Variants in TNRC6B observed in about 807,000 individuals in gnomAD.
TNRC6B encodes trinucleotide repeat-containing gene 6B protein.
Under a neutral mutation model 203.6 loss-of-function variants are expected in TNRC6B, and 52 were observed. That is an observed-to-expected ratio of 0.26 (90% CI 0.20 to 0.32). The LOEUF is 0.32. TNRC6B is among the 10% of genes least tolerant of loss of function. The pLI is 1.00. For synonymous variants in TNRC6B, 838 were observed against 845.7 expected (o/e 0.99, Z 0.16); for missense variants, 1,923 against 2,286.2 (o/e 0.84, Z 3.24).
Position 40,325,223 on chromosome 22 carries a change from T to C in TNRC6B, c.*1982T>C, listed in dbSNP as rs2071387365. 1.3e-5 allele frequency: 2 copies of C among 152,680 alleles called. No individual in the cohort carries two copies. Among genetic ancestry groups the C allele is most frequent in the South Asian group, 4.1e-4 (2 of 4,836 alleles). The allele number at this position is 152,680 out of a possible 1,614,324, so 9.5% of individuals were successfully genotyped here. On this transcript the variant is annotated 3_prime_UTR_variant, in exon 23 of 23. Transcript: ENST00000454349. The stretch of plus-strand genomic sequence containing the variant: ...GAGGACAAGGGAGTTTTTCTTTCTT[T>C]AGCGTCTTCAGTGAAGGATACAATA...
chr22:40,104,712 CAG>C (rs1449515680), intron 1 of TNRC6B, among the ~76,000 whole-genome samples: 3 of 152,158 alleles, frequency 2.0e-5, no homozygotes, highest in African/African-American at 7.2e-5. Flanking sequence ...AGGAGGGTGT[CAG>C]AGTATATTGA....
chr22:40,262,211 C>CAG (rs761445234), intron 4 of TNRC6B, 38 bp downstream of exon 4: 2 of 1,338,778 alleles, frequency 1.5e-6, no homozygotes, highest in Non-Finnish European at 1.9e-6. Flanking sequence ...GGCAGCTTGA[C>CAG]AGAGAGAGAG....
intron 1 of TNRC6B, among the ~76,000 whole-genome samples, chr22:40,082,539 G>A (rs2068070644): frequency 6.6e-6 from 1 of 152,210 alleles, no homozygotes; most frequent in Non-Finnish European, 1.5e-5. Context: ...ACGGGTTCAG[G>A]TTTGATTCCT....
At chr22:40,135,045 AT>A (rs2068587498) in intron 3 of TNRC6B, among the ~76,000 whole-genome samples, 1 of 152,210 alleles carries the variant, frequency 6.6e-6, no homozygotes, top group Non-Finnish European at 1.5e-5. Context: ...GGCAGTTGGT[AT>A]TGGCTGTCAG....
intron 1 of TNRC6B, among the ~76,000 whole-genome samples, chr22:40,056,761 A>G (rs142565344): frequency 4.7e-4 from 71 of 150,334 alleles, no homozygotes; most frequent in African/African-American, 1.7e-3. Context: ...TTGCATCACT[A>G]CACTCCAGCC....
rs536632301 is a variant in TNRC6B at position 40,265,045 on chromosome 22, A to G, written c.815A>G (p.Asn272Ser). The change falls in exon 5 of 23, where the codon AAC becomes AGC. Residue 272 changes from asparagine (N) to serine (S), a missense_variant. Asn to Ser is a conservative substitution (Grantham distance 46). Coordinates refer to ENST00000454349, the MANE Select transcript of TNRC6B (RefSeq NM_001162501.2). The stretch of plus-strand genomic sequence containing the variant: ...AAGGCTAAATCTGTTCAATCTTCCA[A>G]CTCTACTACAGAGAACAACAATGGA... ...DPKAKSVQSSNSTTENNNGLG... is the reference protein window; with the variant it reads ...DPKAKSVQSSSSTTENNNGLG... The G allele has an allele frequency of 4.2e-5, 68 of 1,613,816 alleles. No individual in the cohort carries two copies. Among genetic ancestry groups the G allele is most frequent in the Non-Finnish European group, 4.9e-5 (58 of 1,179,888 alleles).
intron 1 of TNRC6B, among the ~76,000 whole-genome samples, chr22:40,051,735 A>G (rs547292299): frequency 2.0e-5 from 3 of 152,246 alleles, no homozygotes; most frequent in Non-Finnish European, 2.9e-5. Context: ...AGCCACAAAT[A>G]TGAGCCACAT....
intron 2 of TNRC6B, chr22:40,246,407 C>G (rs1429949637): frequency 2.2e-5 from 4 of 183,696 alleles, no homozygotes; most frequent in African/African-American, 9.5e-5. Flanking sequence ...TCAGGCTGGT[C>G]TCAAACTCCT....
intron 1 of TNRC6B, among the ~76,000 whole-genome samples, chr22:40,111,705 C>T (rs2146313319): frequency 6.6e-6 from 1 of 152,244 alleles, no homozygotes; most frequent in East Asian, 1.9e-4. Flanking sequence ...GGTGGAGCTG[C>T]ATCAGGCAGT....
chr22:40,133,137 A>C (rs2068567798), intron 3 of TNRC6B, among the ~76,000 whole-genome samples: 1 of 151,618 alleles, frequency 6.6e-6, no homozygotes, highest in African/African-American at 2.4e-5. Context: ...TTTATCTGTC[A>C]CATGTGGCTT....
chr22:40,061,760 G>A (rs1285937016), intron 1 of TNRC6B, among the ~76,000 whole-genome samples: 1 of 151,936 alleles, frequency 6.6e-6, no homozygotes, highest in Non-Finnish European at 1.5e-5. Context: ...AAATAGTATA[G>A]TATCACTTTC....
chr22:40,082,155 G>A (rs1048643434), intron 1 of TNRC6B, among the ~76,000 whole-genome samples: 1 of 151,964 alleles, frequency 6.6e-6, no homozygotes, highest in Non-Finnish European at 1.5e-5. Flanking sequence ...TTCTACTTTT[G>A]TATATGTTAG....
In TNRC6B at chr22:40,265,025, T is replaced by C; in HGVS notation, c.795T>C (p.Ala265=). ...NLGVWKSDPK[A]KSVQSSNSTT... is the part of the protein sequence containing the mutation. ...GGGTCTGGAAATCTGACCCTAAGGC[T>C]AAATCTGTTCAATCTTCCAACTCTA... Residue 265 remains alanine, a synonymous_variant, in exon 5 of 23, where the codon GCT becomes GCC. Coordinates refer to ENST00000454349, the MANE Select transcript of TNRC6B (RefSeq NM_001162501.2). 1 of 1,613,976 alleles carries C rather than the reference T, an allele frequency of 6.2e-7. No homozygotes were observed. The highest frequency in any genetic ancestry group is 8.5e-7 in the Non-Finnish European group (1 of 1,179,900).
In TNRC6B at chr22:40,106,799, A is replaced by C. The variant is rs1031397202; in HGVS notation, c.-120-10256A>C. 9 of 1,066,880 alleles carry C rather than the reference A, an allele frequency of 8.4e-6. No individual in the cohort carries two copies. The African/African-American group carries it at 1.4e-4, about 16-fold the overall frequency. 66.1% of individuals were successfully genotyped at this position (1,066,880 alleles called of 1,614,324 possible). A position where few individuals can be genotyped will look rare whatever the true frequency, so the allele number is the denominator to read the frequency against. ...ACCTCTGATCCTGATGGCAAATGCC[A>C]ATTTGGGTTCTGCAGGTACATAGAA... is the stretch of plus-strand genomic sequence containing the variant. On this transcript the variant is annotated intron_variant, in intron 1 of 23. Coordinates refer to the TNRC6B transcript ENST00000301923.
At position 40,331,133 on chromosome 22, in the gene TNRC6B, G is replaced by A. The variant is rs1031306365; in HGVS notation, c.*7892G>A. On this transcript the variant is annotated 3_prime_UTR_variant, in exon 23 of 23. Transcript: ENST00000454349. ...CAAGGCATTTTCCAGCTTCTGCCGT[G>A]TGCAGAGCGGGCAGCACGCTTTTAC... 1 of 152,610 alleles carries A rather than the reference G, an allele frequency of 6.6e-6. No homozygotes were observed. The allele number at this position is 152,610 out of a possible 1,614,324, so 9.5% of individuals were successfully genotyped here. A position where few individuals can be genotyped will look rare whatever the true frequency, so the allele number is the denominator to read the frequency against.
At chr22:40,163,197 TGAGCTCAG>T (rs2068885047) in intron 4 of TNRC6B, among the ~76,000 whole-genome samples, 1 of 151,208 alleles carries the variant, frequency 6.6e-6, no homozygotes, top group Non-Finnish European at 1.5e-5. Context: ...GAGGATTGCT[TGAGCTCAG>T]GAATTAGAGA....
Position 40,270,268 on chromosome 22 carries a change from G to A in TNRC6B, c.2953G>A (p.Ala985Thr). 1 of 1,447,638 alleles carries A rather than the reference G, an allele frequency of 6.9e-7. No individual in the cohort carries two copies. 89.7% of individuals were successfully genotyped at this position (1,447,638 alleles called of 1,614,324 possible). The change falls in exon 6 of 23, where the codon GCC becomes ACC. Residue 985 changes from alanine (A) to threonine (T), a missense_variant. By Grantham distance (58) the Ala-to-Thr change is moderately conservative. Transcript: ENST00000454349. ...GAACACGCCCGCCAACGCTCCCAATGCCATGAAGCCTAGTAAGTGTGAAGC... is the reference window on the plus strand; with the variant it reads ...GAACACGCCCGCCAACGCTCCCAATACCATGAAGCCTAGTAAGTGTGAAGC... ...WGNTPANAPN[A>T]MKPNSKSMQD... is the part of the protein sequence containing the mutation.
chr22:40,050,953 T>A (rs982759928), intron 1 of TNRC6B, among the ~76,000 whole-genome samples: 4 of 151,768 alleles, frequency 2.6e-5, no homozygotes, highest in Non-Finnish European at 5.9e-5. Context: ...GCCTCTCGAG[T>A]AGCTAGGACT....
chr22:40,155,525 G>A (rs913331715), intron 3 of TNRC6B, among the ~76,000 whole-genome samples: 11 of 152,050 alleles, frequency 7.2e-5, no homozygotes, highest in Admixed American at 5.9e-4. Flanking sequence ...CTGACCTCAT[G>A]ATCTGCCCGC....
Sources: allele counts gnomAD v4.1 joint callset (sites outside exome capture counted in the v4.1 genomes callset), GRCh38; gene constraint gnomAD v4.1.1; transcripts MANE v1.5; gene names NCBI Gene and HGNC (gene_info 2026-07-23, HGNC 2026-07-21).